The following SNAP29 variants were observed in gnomAD, a reference collection of about 807,000 sequenced individuals.
SNAP29 encodes synaptosome associated protein 29, also known as synaptosomal-associated protein 29.
SNAP29 carries 13 observed loss-of-function variants against 27.9 expected under a neutral mutation model. The observed-to-expected ratio is 0.47, with a 90% CI of 0.30 to 0.74. SNAP29 has a LOEUF of 0.74. SNAP29 is among the 30% of genes least tolerant of loss of function. The probability of loss-of-function intolerance (pLI) is 0.06; values close to 1 mark genes in which losing one functional copy is unlikely to be tolerated. For missense variants in SNAP29, 368 were observed against 336.5 expected (o/e 1.09, Z -0.73); for synonymous variants, 119 against 127.1 (o/e 0.94, Z 0.43).
chr22:20,867,442 C>T (rs1928487970), intron 1 of SNAP29, among the ~76,000 whole-genome samples: 1 of 152,166 alleles, frequency 6.6e-6, no homozygotes, highest in Non-Finnish European at 1.5e-5. Context: ...TCAGTGTTCT[C>T]TTTCCTGGTA....
At position 20,888,717 on chromosome 22, in the gene SNAP29, C is replaced by T. The variant is rs1929084288; in HGVS notation, c.*881C>T. The T allele has an allele frequency of 6.6e-6, 1 of 152,284 alleles. No individual in the cohort carries two copies. The highest frequency in any genetic ancestry group is 2.4e-5 in the African/African-American group (1 of 41,442). 9.4% of individuals were successfully genotyped at this position (152,284 alleles called of 1,614,324 possible). On this transcript the variant is annotated 3_prime_UTR_variant, in exon 5 of 5. Transcript: ENST00000215730. ...CAGATGCAGCTGCACAATGGTCTTC[C>T]TCCACCCCTCTGGGAATCACCATTA...
rs143975587 is a variant in SNAP29, at chr22:20,879,701, C to T, written c.435-1348C>T. 3.2e-3 allele frequency among the ~76,000 whole-genome samples: 481 copies of T among 149,922 alleles called. 1 individual carries two copies. The highest frequency in any genetic ancestry group is 0.011 in the African/African-American group (462 of 40,738). On this transcript the variant is annotated intron_variant, in intron 2 of 4. Transcript: ENST00000215730. ...TCTCTACTAAAAATACAAAAAATAG[C>T]CAGGTGTGGTGGGGGCCTGTAATCC... is the stretch of plus-strand genomic sequence containing the variant.
In SNAP29 at chr22:20,890,758, CAAAA is replaced by C. The variant is rs361606; in HGVS notation, c.*2941_*2944del. The stretch of plus-strand genomic sequence containing the variant: ...TGGGCAACAGAGCAAGACTCCGTCT[CAAAA>C]AAAAAAAAAAAAAAAAAATAGTGCA... On this transcript the variant is annotated 3_prime_UTR_variant, in exon 5 of 5. Coordinates refer to ENST00000215730, the MANE Select transcript of SNAP29 (RefSeq NM_004782.4). 2.3e-5 allele frequency: 2 copies of C among 88,618 alleles called. No homozygotes were observed. The highest frequency in any genetic ancestry group is 6.0e-5 in the African/African-American group (1 of 16,642). 5.5% of individuals were successfully genotyped at this position (88,618 alleles called of 1,614,324 possible).
intron 1 of SNAP29, among the ~76,000 whole-genome samples, chr22:20,866,360 A>T (rs1201647307): frequency 6.6e-6 from 1 of 152,160 alleles, no homozygotes. Flanking sequence ...GCCTGTGCAC[A>T]CTCCCTTGGG....
Position 20,859,288 on chromosome 22 carries a change from A to C in SNAP29, c.178A>C (p.Thr60Pro). ...CAGGGCTGAGGCCACGGCCGCCAGC[A>C]CCAGCAGGTCCCTGGCCCTCATGTA... The part of the protein sequence containing the change: ...LRRAEATAAS[T>P]SRSLALMYES... The change falls in exon 1 of 5, where the codon ACC becomes CCC. Residue 60 changes from threonine to proline, a missense_variant. Physicochemically the swap from Thr to Pro is conservative, Grantham distance 38. Coordinates refer to ENST00000215730, the MANE Select transcript of SNAP29 (RefSeq NM_004782.4). 1 of 1,611,950 alleles carries C rather than the reference A, an allele frequency of 6.2e-7. No individual in the cohort carries two copies. The highest frequency in any genetic ancestry group is 1.3e-5 in the African/African-American group (1 of 75,036).
chr22:20,867,359 A>G (rs1928485049), intron 1 of SNAP29, among the ~76,000 whole-genome samples: 2 of 151,542 alleles, frequency 1.3e-5, no homozygotes, highest in African/African-American at 4.9e-5. Flanking sequence ...CTGCCTCGGT[A>G]CCTGGAGCGG....
chr22:20,874,719 C>G (rs1928699780), intron 2 of SNAP29, among the ~76,000 whole-genome samples: 1 of 152,002 alleles, frequency 6.6e-6, no homozygotes, highest in Non-Finnish European at 1.5e-5. Flanking sequence ...AATCACCATT[C>G]TGGGTTCTCC....
chr22:20,870,300 A>G (rs1928555485), intron 1 of SNAP29, 37 bp from the exon 2 acceptor site: 5 of 1,605,884 alleles, frequency 3.1e-6, no homozygotes, highest in Admixed American at 1.7e-5. Context: ...GGAGAGTCAC[A>G]GAAAGCTATA....
chr22:20,873,382 CTG>C (rs975777385), intron 2 of SNAP29, among the ~76,000 whole-genome samples: 30 of 152,124 alleles, frequency 2.0e-4, no homozygotes, highest in African/African-American at 7.2e-4. Context: ...GAGCCAGTGA[CTG>C]TGAACCTGTG....
chr22:20,882,744 G>C (rs1928917746), intron 3 of SNAP29, among the ~76,000 whole-genome samples: 1 of 152,158 alleles, frequency 6.6e-6, no homozygotes. Context: ...TATTTGTGCA[G>C]TATATATTAA....
intron 2 of SNAP29, among the ~76,000 whole-genome samples, chr22:20,875,998 A>G (rs1030935913): frequency 6.6e-6 from 1 of 151,508 alleles, no homozygotes; most frequent in Non-Finnish European, 1.5e-5. Flanking sequence ...CGTCTCTACT[A>G]AAAATACAAA....
rs1249918914 is a variant in SNAP29, at chr22:20,889,234, TA to T, written c.*1401del. On this transcript the variant is annotated 3_prime_UTR_variant, in exon 5 of 5. Transcript: ENST00000215730. Reference sequence around the variant, plus strand: ...ACTTCCCTTTACAGTCTGCAGCCTATAAACAGTGGTGTCTCAAAGCAAAGGA... The same window carrying T: ...ACTTCCCTTTACAGTCTGCAGCCTATAACAGTGGTGTCTCAAAGCAAAGGA... The T allele has an allele frequency of 1.3e-5, 2 of 152,234 alleles. No individual in the cohort carries two copies. Among genetic ancestry groups the T allele is most frequent in the African/African-American group, 4.8e-5 (2 of 41,466 alleles). The allele number at this position is 152,234 out of a possible 1,614,324, so 9.4% of individuals were successfully genotyped here.
chr22:20,877,576 C>A (rs190842264), intron 2 of SNAP29, among the ~76,000 whole-genome samples: 1 of 151,894 alleles, frequency 6.6e-6, no homozygotes, highest in Admixed American at 6.6e-5. Flanking sequence ...ATTAGCCGGG[C>A]GTAGTGGCGC....
intron 2 of SNAP29, among the ~76,000 whole-genome samples, chr22:20,878,628 G>T (rs114651511): frequency 2.0e-5 from 3 of 152,126 alleles, no homozygotes; most frequent in South Asian, 4.1e-4. Flanking sequence ...GGCTACTTAG[G>T]GGGTGGGAGA....
At chr22:20,879,851 T>TAA (rs361542) in intron 2 of SNAP29, among the ~76,000 whole-genome samples, 30 of 98,006 alleles carry the variant, frequency 3.1e-4, no homozygotes, top group East Asian at 5.8e-4. Flanking sequence ...TGAAAAAATT[T>TAA]AAAAAAAAAA....
intron 2 of SNAP29, among the ~76,000 whole-genome samples, chr22:20,873,735 A>G (rs1928651370): frequency 1.3e-5 from 2 of 151,798 alleles, no homozygotes; most frequent in Non-Finnish European, 2.9e-5. Context: ...TGGGAGGCCG[A>G]GGCGGGTGCA....
chr22:20,878,519 A>G (rs969659914), intron 2 of SNAP29, among the ~76,000 whole-genome samples: 1 of 152,134 alleles, frequency 6.6e-6, no homozygotes, highest in Non-Finnish European at 1.5e-5. Flanking sequence ...CGGAGCTTGC[A>G]GTGCGTGGAG....
chr22:20,864,579 T>C (rs1928414495), intron 1 of SNAP29, among the ~76,000 whole-genome samples: 1 of 152,082 alleles, frequency 6.6e-6, no homozygotes, highest in Non-Finnish European at 1.5e-5. Flanking sequence ...TGAGGCAGCG[T>C]GTGGTGATAC....
intron 2 of SNAP29, among the ~76,000 whole-genome samples, chr22:20,877,606 C>T (rs1188623163): frequency 1.3e-5 from 2 of 152,046 alleles, no homozygotes; most frequent in African/African-American, 4.8e-5. Flanking sequence ...ATCCCAGCTA[C>T]TCAGGAGGCT....
Sources: gnomAD v4.1 joint callset for allele counts (sites outside exome capture counted in the v4.1 genomes callset) on GRCh38, gnomAD v4.1.1 for gene constraint, MANE v1.5 for transcripts, NCBI Gene and HGNC (gene_info 2026-07-23, HGNC 2026-07-21) for gene names.